Variants in KLF7 observed in about 807,000 individuals in gnomAD.
The protein encoded by KLF7 is KLF transcription factor 7, also known as Krueppel-like factor 7.
In KLF7, 2 loss-of-function variants were observed where a neutral mutation model predicts 27.3. The ratio of observed to expected loss-of-function variants is 0.07; its 90% CI spans 0.03 to 0.23. The LOEUF is 0.23. Among genes scored for constraint, KLF7 ranks in the 10% least tolerant of loss-of-function variants. KLF7 has a pLI of 1.00. For missense variants in KLF7, 221 were observed against 394.1 expected (o/e 0.56, Z 3.72); for synonymous variants, 165 against 162.4 (o/e 1.02, Z -0.12).
At chr2:207,121,573 C>T (rs2269077) in intron 2 of KLF7, 57,066 of 152,018 alleles carry the variant, frequency 0.38, 11,101 homozygotes, top group African/African-American at 0.47. Context: ...CAAGTCCACC[C>T]GATCACAAGG....
chr2:207,157,686 G>A (rs948781937), intron 1 of KLF7, among the ~76,000 whole-genome samples: 1 of 152,222 alleles, frequency 6.6e-6, no homozygotes, highest in African/African-American at 2.4e-5. Context: ...ATTGTGGCAA[G>A]GCAATGGCCA....
At chr2:207,127,180 A>G (rs371871643) in intron 1 of KLF7, among the ~76,000 whole-genome samples, 36 of 152,302 alleles carry the variant, frequency 2.4e-4, no homozygotes, top group African/African-American at 8.7e-4. Flanking sequence ...TAAAATGTGG[A>G]AAAATCTGGA....
chr2:207,155,908 C>T (rs2078369424), intron 1 of KLF7, among the ~76,000 whole-genome samples: 1 of 152,162 alleles, frequency 6.6e-6, no homozygotes, highest in Admixed American at 6.5e-5. Flanking sequence ...AATTTGCCGC[C>T]TCTCCAAAAA....
chr2:207,088,502 C>T lies in KLF7; in HGVS notation c.813G>A (p.Arg271=), dbSNP rs754273631. The T allele has an allele frequency of 1.9e-6, 3 of 1,614,126 alleles. No individual in the cohort carries two copies. Among genetic ancestry groups the T allele is most frequent in the Admixed American group, 3.3e-5 (2 of 60,024 alleles). The change falls in exon 3 of 4, where the codon AGG becomes AGA. Residue 271 remains arginine, a synonymous_variant. Transcript: ENST00000309446. The stretch of plus-strand genomic sequence containing the variant: ...TGAAGGGCTTTGCACCTGTGTGTTT[C>T]CTGTAGTGCCTCGTGAGCTCATCGC... ...ARSDELTRHY[R]KHTGAKPFKC...
chr2:207,143,296 G>A lies in KLF7; in HGVS notation c.103-18892C>T, dbSNP rs913097492. On this transcript the variant is annotated intron_variant, in intron 1 of 3. Coordinates refer to ENST00000309446, the MANE Select transcript of KLF7 (RefSeq NM_003709.4). ...ATTCTCATCATCAAATAAAAGAAAC[G>A]TCAGTTCCTCAGAGATCAGTTGATC... is the stretch of plus-strand genomic sequence containing the variant. Among the ~76,000 whole-genome samples, 29 of 151,594 alleles carry A rather than the reference G, an allele frequency of 1.9e-4. 1 individual carries two copies. The highest frequency in any genetic ancestry group is 6.8e-4 in the African/African-American group (28 of 41,296).
At chr2:207,100,186 G>C (rs1442673959) in intron 2 of KLF7, among the ~76,000 whole-genome samples, 1 of 152,208 alleles carries the variant, frequency 6.6e-6, no homozygotes, top group Admixed American at 6.5e-5. Flanking sequence ...ATCATGGAGA[G>C]AAGGGCCCTC....
At chr2:207,124,623 G>A (rs1052990999) in intron 1 of KLF7, among the ~76,000 whole-genome samples, 1 of 152,156 alleles carries the variant, frequency 6.6e-6, no homozygotes, top group African/African-American at 2.4e-5. Flanking sequence ...TCTAGCTGAA[G>A]GAGAACAAGA....
chr2:207,150,258 A>C (rs986241607), intron 1 of KLF7, among the ~76,000 whole-genome samples: 1 of 152,264 alleles, frequency 6.6e-6, no homozygotes, highest in African/African-American at 2.4e-5. Flanking sequence ...GACTAAGTTT[A>C]CTTTGCAAAA....
At chr2:207,166,653 C>T (rs898242645), upstream of KLF7, 3 of 304,124 alleles carry the variant, frequency 9.9e-6, no homozygotes, top group Admixed American at 6.5e-5. Flanking sequence ...GCGGGGAAGC[C>T]GCCGAGGGCG....
At chr2:207,169,816 CTG>C (rs371382728), upstream of KLF7, among the ~76,000 whole-genome samples, 167 of 152,242 alleles carry the variant, frequency 1.1e-3, 1 homozygote, top group African/African-American at 3.9e-3. Flanking sequence ...GCACCATGAA[CTG>C]TGCCCAAATA....
intron 2 of KLF7, among the ~76,000 whole-genome samples, chr2:207,105,409 T>C (rs2076858224): frequency 6.6e-6 from 1 of 152,138 alleles, no homozygotes; most frequent in Non-Finnish European, 1.5e-5. Context: ...GGTGGTGATG[T>C]TTCCATCTTA....
intron 2 of KLF7, among the ~76,000 whole-genome samples, chr2:207,098,754 C>T (rs1388377163): frequency 6.7e-6 from 1 of 148,968 alleles, no homozygotes; most frequent in African/African-American, 2.5e-5. Context: ...GGACTACAGG[C>T]TCTGGTGCCA....
intron 2 of KLF7, among the ~76,000 whole-genome samples, chr2:207,118,126 AGTTACTT>A (rs1275853224): frequency 1.3e-5 from 2 of 152,214 alleles, no homozygotes; most frequent in African/African-American, 4.8e-5. Flanking sequence ...GCCTGAACCA[AGTTACTT>A]TTTTGTTGTT....
At chr2:207,166,359 A>AGGGGGCTGAGGC (rs756777548), upstream of KLF7, 1,011 of 197,754 alleles carry the variant, frequency 5.1e-3, 8 homozygotes, top group Non-Finnish European at 5.8e-3. Flanking sequence ...GGGCTATATA[A>AGGGGGCTGAGGC]GGGGGCTGAG....
chr2:207,097,583 T>C (rs1459295741), intron 2 of KLF7, among the ~76,000 whole-genome samples: 3 of 152,168 alleles, frequency 2.0e-5, no homozygotes, highest in African/African-American at 7.2e-5. Context: ...AAGAAATCCT[T>C]TGGGGTCATG....
At chr2:207,166,283 G>A (rs2078706357), upstream of KLF7, 1 of 657,366 alleles carries the variant, frequency 1.5e-6, no homozygotes, top group Non-Finnish European at 1.9e-6. Context: ...GGCGGCGGGC[G>A]CGGATTGGCA....
upstream of KLF7, chr2:207,166,256 G>C: frequency 1.1e-6 from 1 of 907,282 alleles, no homozygotes; most frequent in South Asian, 5.0e-5. Flanking sequence ...GCAGAGCCTG[G>C]GGCGGGGCTT....
chr2:207,136,947 G>T (rs979508271), intron 1 of KLF7, among the ~76,000 whole-genome samples: 11 of 152,156 alleles, frequency 7.2e-5, no homozygotes, highest in African/African-American at 2.7e-4. Context: ...AAGCCAAATG[G>T]AGCCTCTTTT....
chr2:207,144,173 A>AT (rs2078031894), intron 1 of KLF7, among the ~76,000 whole-genome samples: 1 of 151,918 alleles, frequency 6.6e-6, no homozygotes. Context: ...GGGGAGAAAA[A>AT]AAAAAAAAAG....
Sources: gnomAD v4.1 joint callset for allele counts (sites outside exome capture counted in the v4.1 genomes callset) on GRCh38, gnomAD v4.1.1 for gene constraint, MANE v1.5 for transcripts, NCBI Gene and HGNC (gene_info 2026-07-23, HGNC 2026-07-21) for gene names.